Variants in LIMD1 observed in about 807,000 individuals in gnomAD.
LIMD1 encodes LIM domain containing 1, also known as LIM domain-containing protein 1.
In LIMD1, 23 loss-of-function variants were observed where a neutral mutation model predicts 58.4. The observed-to-expected ratio is 0.39, with a 90% CI of 0.28 to 0.56. LIMD1 has a LOEUF of 0.56. Among genes scored for constraint, LIMD1 ranks in the 20% least tolerant of loss-of-function variants. The pLI is 0.57. For missense variants in LIMD1, 838 were observed against 855.5 expected, an observed-to-expected ratio of 0.98 and a Z score of 0.25; for synonymous variants, 334 against 345.5, an observed-to-expected ratio of 0.97 and a Z score of 0.37.
At chr3:45,652,036 C>T (rs376469127) in intron 2 of LIMD1, among the ~76,000 whole-genome samples, 5 of 152,180 alleles carry the variant, frequency 3.3e-5, no homozygotes, top group South Asian at 4.1e-4. Flanking sequence ...CAGCGATTCT[C>T]ACGGGTCAGC....
rs765875935 is a variant in LIMD1 at position 45,672,761 on chromosome 3, T to G, written c.1713T>G (p.Asp571Glu). ...GTGTCATCTGTAATGAGTGTTTGGA[T>G]GGGGTGCCCTTCACCGTGGACTCAG... ...FRCVICNECL[D>E]GVPFTVDSEN... The change falls in exon 5 of 8, where the codon GAT becomes GAG. Residue 571 changes from aspartate (D) to glutamate (E), a missense_variant. Transcript: ENST00000273317. The G allele has an allele frequency of 1.2e-6, 2 of 1,613,826 alleles. No individual in the cohort carries two copies. The highest frequency in any genetic ancestry group is 2.7e-5 in the African/African-American group (2 of 74,866).
chr3:45,644,770 A>G (rs775915465), intron 2 of LIMD1, among the ~76,000 whole-genome samples: 15 of 152,030 alleles, frequency 9.9e-5, no homozygotes, highest in Non-Finnish European at 2.9e-5. Context: ...GGCTGTAGCC[A>G]TGGGGCCTTG....
rs1224658814 is a variant in LIMD1, at chr3:45,681,217, C to T, written c.*4158C>T. ...TATAAAATTATGCAAAGTATTGTGA[C>T]AAAACTGCATCAATTTGTTGACTAT... On this transcript the variant is annotated 3_prime_UTR_variant, in exon 8 of 8. Coordinates refer to ENST00000273317, the MANE Select transcript of LIMD1 (RefSeq NM_014240.3). The T allele has an allele frequency of 6.6e-6, 1 of 152,146 alleles. No homozygotes were observed. The highest frequency in any genetic ancestry group is 2.4e-5 in the African/African-American group (1 of 41,432). 9.4% of individuals were successfully genotyped at this position (152,146 alleles called of 1,614,324 possible).
intron 2 of LIMD1, among the ~76,000 whole-genome samples, chr3:45,660,875 C>G (rs549296659): frequency 6.6e-6 from 1 of 152,180 alleles, no homozygotes; most frequent in South Asian, 2.1e-4. Flanking sequence ...TCTCTGGAGT[C>G]CCTTTATAGA....
At position 45,595,167 on chromosome 3, in the gene LIMD1, G is replaced by A. The variant is rs763144936; in HGVS notation, c.288G>A (p.Lys96=). 1.2e-6 allele frequency: 2 copies of A among 1,604,816 alleles called. No individual in the cohort carries two copies. The highest frequency in any genetic ancestry group is 2.2e-5 in the South Asian group (2 of 90,090). ...CCCGTTGGGAAGTTGTGGGCAGCAA[G>A]CTGACTGTGGATGGTGCTGCCAAGC... ...PQARWEVVGS[K]LTVDGAAKPP... The change falls in exon 1 of 8, where the codon AAG becomes AAA. Residue 96 remains lysine (K), a synonymous_variant. Coordinates refer to ENST00000273317, the MANE Select transcript of LIMD1 (RefSeq NM_014240.3).
chr3:45,625,514 G>A (rs925119684), intron 1 of LIMD1, among the ~76,000 whole-genome samples: 5 of 152,120 alleles, frequency 3.3e-5, no homozygotes, highest in African/African-American at 1.2e-4. Context: ...GAGGCACTCA[G>A]CATTTCTTGT....
rs917937271 is a variant in LIMD1, at chr3:45,614,326, G to T, written c.1408+18039G>T. 8.6e-5 allele frequency among the ~76,000 whole-genome samples: 13 copies of T among 150,508 alleles called. 1 individual carries two copies. Among genetic ancestry groups the T allele is most frequent in the African/African-American group, 2.9e-4 (12 of 40,782 alleles). ...GTGGATCACGAGGTCAGGAGATCGA[G>T]ACCATCCTGGCTAACATGGTGAAAC... On this transcript the variant is annotated intron_variant, in intron 1 of 7. Coordinates refer to ENST00000273317, the MANE Select transcript of LIMD1 (RefSeq NM_014240.3).
At chr3:45,674,303 C>T (rs774693558) in intron 6 of LIMD1, 40 bp from the exon 7 acceptor site, 26 of 1,570,064 alleles carry the variant, frequency 1.7e-5, no homozygotes, top group Non-Finnish European at 2.2e-5. Flanking sequence ...GCCCCCCTAA[C>T]AGGCCTCTCC....
At chr3:45,612,427 G>T (rs945621352) in intron 1 of LIMD1, among the ~76,000 whole-genome samples, 2 of 152,198 alleles carry the variant, frequency 1.3e-5, no homozygotes, top group Admixed American at 1.3e-4. Context: ...TTGGGGTCAG[G>T]CTCAATGCCT....
chr3:45,610,877 G>T (rs1303995276), intron 1 of LIMD1, among the ~76,000 whole-genome samples: 3 of 152,210 alleles, frequency 2.0e-5, no homozygotes, highest in Non-Finnish European at 4.4e-5. Flanking sequence ...ATGGAGAAAA[G>T]AGTGGCTTAT....
intron 1 of LIMD1, among the ~76,000 whole-genome samples, chr3:45,633,927 C>G (rs1218401671): frequency 6.6e-6 from 1 of 152,106 alleles, no homozygotes; most frequent in African/African-American, 2.4e-5. Flanking sequence ...GGATTTGCAG[C>G]CTGAGAATAG....
chr3:45,608,976 G>T (rs1474692749), intron 1 of LIMD1, among the ~76,000 whole-genome samples: 1 of 152,082 alleles, frequency 6.6e-6, no homozygotes, highest in Non-Finnish European at 1.5e-5. Flanking sequence ...AATGAATCAT[G>T]GTATGTATTT....
rs554830071 is a variant in LIMD1, at chr3:45,595,471, C to G, written c.592C>G (p.Pro198Ala). The change falls in exon 1 of 8, where the codon CCC becomes GCC. Residue 198 changes from proline (P) to alanine (A), a missense_variant. This residue lies in a region of LIMD1 where 659 missense variants were observed against 639.8 expected (regional missense o/e 1.03). Coordinates refer to ENST00000273317, the MANE Select transcript of LIMD1 (RefSeq NM_014240.3). ...GTGGGGTGACAAACCAGGAGTGTCCCCCAGCATCGGCCTGAGTGTAGGGAG... is the reference window on the plus strand; with the variant it reads ...GTGGGGTGACAAACCAGGAGTGTCCGCCAGCATCGGCCTGAGTGTAGGGAG... ...PKWGDKPGVS[P>A]SIGLSVGSGW... 2.5e-6 allele frequency: 4 copies of G among 1,613,742 alleles called. No individual in the cohort carries two copies. Among genetic ancestry groups the G allele is most frequent in the Non-Finnish European group, 3.4e-6 (4 of 1,179,874 alleles).
chr3:45,679,908 A>G lies in LIMD1; in HGVS notation c.*2849A>G, dbSNP rs1697718139. The G allele has an allele frequency of 6.6e-6, 1 of 152,028 alleles. No individual in the cohort carries two copies. 9.4% of individuals were successfully genotyped at this position (152,028 alleles called of 1,614,324 possible). On this transcript the variant is annotated 3_prime_UTR_variant, in exon 8 of 8. Coordinates refer to ENST00000273317, the MANE Select transcript of LIMD1 (RefSeq NM_014240.3). ...CCTACCCAGCCATCGGCTGCGTATGACAGCAGGATGGCACTTCCCATTTCT... is the reference window on the plus strand; with the variant it reads ...CCTACCCAGCCATCGGCTGCGTATGGCAGCAGGATGGCACTTCCCATTTCT...
intron 2 of LIMD1, among the ~76,000 whole-genome samples, chr3:45,663,798 T>C (rs988660560): frequency 1.3e-5 from 2 of 151,676 alleles, no homozygotes. Flanking sequence ...CACTGCAATC[T>C]CCACCTCCTG....
At chr3:45,598,161 G>C (rs1204372742) in intron 1 of LIMD1, among the ~76,000 whole-genome samples, 2 of 151,828 alleles carry the variant, frequency 1.3e-5, no homozygotes, top group Non-Finnish European at 1.5e-5. Context: ...GTCCTCTCTA[G>C]GTTGCCCAGG....
Position 45,685,917 on chromosome 3 carries a change from A to G in LIMD1, c.*8858A>G, listed in dbSNP as rs554885245. 15 of 152,218 alleles carry G rather than the reference A, an allele frequency of 9.9e-5. No individual in the cohort carries two copies. Among genetic ancestry groups the G allele is most frequent in the African/African-American group, 3.6e-4 (15 of 41,508 alleles). 9.4% of individuals were successfully genotyped at this position (152,218 alleles called of 1,614,324 possible). On this transcript the variant is annotated 3_prime_UTR_variant, in exon 8 of 8. Coordinates refer to ENST00000273317, the MANE Select transcript of LIMD1 (RefSeq NM_014240.3). ...TTTCCACCTGAATTGACTCTCCCTTAGCTAAGACAGCCAGACAGACTCCAT... is the reference window on the plus strand; with the variant it reads ...TTTCCACCTGAATTGACTCTCCCTTGGCTAAGACAGCCAGACAGACTCCAT...
intron 2 of LIMD1, among the ~76,000 whole-genome samples, chr3:45,646,808 C>T (rs1701912503): frequency 6.6e-6 from 1 of 151,640 alleles, no homozygotes; most frequent in Non-Finnish European, 1.5e-5. Context: ...CACCTCAGTC[C>T]CTTTAGTCCC....
At chr3:45,612,662 C>G (rs185581839) in intron 1 of LIMD1, among the ~76,000 whole-genome samples, 3 of 152,218 alleles carry the variant, frequency 2.0e-5, no homozygotes, top group Admixed American at 2.0e-4. Flanking sequence ...AAAGTTCCCT[C>G]ATGCTTCTTT....
Sources: allele counts gnomAD v4.1 joint callset (sites outside exome capture counted in the v4.1 genomes callset), GRCh38; gene constraint gnomAD v4.1.1; regional missense constraint gnomAD v4.1.1; transcripts MANE v1.5; gene names NCBI Gene and HGNC (gene_info 2026-07-23, HGNC 2026-07-21).